The following CDKL4 variants were observed in gnomAD, a reference collection of about 807,000 sequenced individuals.
The protein encoded by CDKL4 is cyclin-dependent kinase-like 4.
In CDKL4, 44 loss-of-function variants were observed where a neutral mutation model predicts 42.0. That is an observed-to-expected ratio of 1.05 (90% confidence interval 0.82 to 1.35). CDKL4 has a LOEUF of 1.35. Among genes scored for constraint, CDKL4 ranks in the 40% most tolerant of loss-of-function variants. The pLI is 0.00. For synonymous variants in CDKL4, 120 were observed against 121.6 expected, an observed-to-expected ratio of 0.99 and a Z score of 0.09; for missense variants, 393 against 369.9, an observed-to-expected ratio of 1.06 and a Z score of -0.51.
intron 5 of CDKL4, among the ~76,000 whole-genome samples, chr2:39,204,184 C>A (rs1473175654): frequency 1.3e-5 from 2 of 152,168 alleles, no homozygotes; most frequent in African/African-American, 2.4e-5. Flanking sequence ...CTCCAGGGAA[C>A]CGTCTGCACC....
chr2:39,193,967 C>T (rs1421712880), intron 5 of CDKL4, among the ~76,000 whole-genome samples: 1 of 152,094 alleles, frequency 6.6e-6, no homozygotes, highest in Non-Finnish European at 1.5e-5. Flanking sequence ...GACTGGGTTC[C>T]TCTTAATTTT....
chr2:39,174,391 C>A (rs1186951801), downstream of CDKL4, among the ~76,000 whole-genome samples: 27 of 115,154 alleles, frequency 2.3e-4, no homozygotes, highest in African/African-American at 6.5e-4. Context: ...CAGAGCAAGA[C>A]CCTGTCTCAA....
intron 4 of CDKL4, among the ~76,000 whole-genome samples, chr2:39,209,198 G>T (rs1459665821): frequency 6.6e-6 from 1 of 151,292 alleles, no homozygotes; most frequent in Non-Finnish European, 1.5e-5. Flanking sequence ...CATAGTCCCA[G>T]TTCCTTGGGA....
chr2:39,175,802 A>G (rs1675139603), exon 10 of CDKL4: 8 of 295,818 alleles, frequency 2.7e-5, no homozygotes, highest in South Asian at 2.4e-4. Context: ...TAACATTTAA[A>G]GAAAATATTC....
intron 8 of CDKL4, among the ~76,000 whole-genome samples, chr2:39,181,287 C>G (rs1346776464): frequency 6.6e-6 from 1 of 152,216 alleles, no homozygotes; most frequent in Middle Eastern, 3.2e-3. Context: ...ATCTTCTTCT[C>G]TACTATGTTC....
At chr2:39,234,470 G>A (rs567216624) in intron 1 of CDKL4, among the ~76,000 whole-genome samples, 3 of 152,238 alleles carry the variant, frequency 2.0e-5, no homozygotes, top group African/African-American at 7.2e-5. Flanking sequence ...TTGAAATGGA[G>A]ACAGGAAAAG....
chr2:39,218,772 G>T (rs1678111589), intron 3 of CDKL4, among the ~76,000 whole-genome samples: 1 of 152,140 alleles, frequency 6.6e-6, no homozygotes, highest in South Asian at 2.1e-4. Flanking sequence ...GAAACTCTCT[G>T]TCCTCTGGGG....
intron 5 of CDKL4, among the ~76,000 whole-genome samples, chr2:39,195,646 T>A (rs1282724735): frequency 8.1e-5 from 12 of 148,892 alleles, no homozygotes; most frequent in Admixed American, 8.0e-4. Flanking sequence ...AATTAATTTT[T>A]TTTTTTTTTT....
At chr2:39,238,292 G>C (rs6544211) in intron 1 of CDKL4, among the ~76,000 whole-genome samples, 1 of 151,944 alleles carries the variant, frequency 6.6e-6, no homozygotes, top group East Asian at 1.9e-4. Flanking sequence ...ATTAGCCAGG[G>C]TCTAGTGGCC....
chr2:39,225,552 C>G (rs1211950104), intron 3 of CDKL4, among the ~76,000 whole-genome samples: 3 of 151,946 alleles, frequency 2.0e-5, no homozygotes, highest in African/African-American at 7.3e-5. Context: ...AATAGGTTTC[C>G]TAGTATCAAA....
At chr2:39,201,005 G>C (rs937515838) in intron 5 of CDKL4, among the ~76,000 whole-genome samples, 1 of 152,088 alleles carries the variant, frequency 6.6e-6, no homozygotes, top group Non-Finnish European at 1.5e-5. Context: ...CACAGCAAAA[G>C]AAATAATCAG....
At chr2:39,207,803 A>G (rs963498205) in intron 4 of CDKL4, among the ~76,000 whole-genome samples, 33 of 152,212 alleles carry the variant, frequency 2.2e-4, no homozygotes, top group African/African-American at 7.5e-4. Context: ...AAAAGGGAGT[A>G]AAAACAATTG....
chr2:39,170,932 C>G (rs1036586493), downstream of CDKL4, among the ~76,000 whole-genome samples: 1 of 151,958 alleles, frequency 6.6e-6, no homozygotes, highest in East Asian at 1.9e-4. Flanking sequence ...AATTTTATGG[C>G]AAGTAAGCTA....
intron 6 of CDKL4, among the ~76,000 whole-genome samples, chr2:39,189,326 T>C (rs1425120171): frequency 1.3e-5 from 2 of 152,220 alleles, no homozygotes; most frequent in African/African-American, 4.8e-5. Flanking sequence ...CCTTGCAGTC[T>C]CATTCCTATT....
chr2:39,229,317 A>C, intron 2 of CDKL4, 48 bp downstream of exon 2: 29 of 1,277,026 alleles, frequency 2.3e-5, no homozygotes, highest in Non-Finnish European at 2.7e-5. Flanking sequence ...TAACATGCAT[A>C]TTTCACTCAA....
At chr2:39,170,378 T>C in the CDKL4 span, among the ~76,000 whole-genome samples, 1 of 151,562 alleles carries the variant, frequency 6.6e-6, no homozygotes, top group African/African-American at 2.4e-5. Context: ...TGAGTGGCAT[T>C]TTATCTTTAT....
Position 39,210,103 on chromosome 2 carries a change from T to A in CDKL4, c.363+3297A>T, listed in dbSNP as rs146569672. 6.6e-3 allele frequency among the ~76,000 whole-genome samples: 1,003 copies of A among 152,234 alleles called. 11 individuals are homozygous for A. The highest frequency in any genetic ancestry group is 0.023 in the African/African-American group (963 of 41,528). ...CTCGAGTTCAAGTGATTCTCCCACC[T>A]CAGCCTGCTGAGTAGTAGCTGGGAT... On this transcript the variant is annotated intron_variant, in intron 4 of 9. Coordinates refer to ENST00000451199, the Ensembl canonical transcript of CDKL4.
intron 3 of CDKL4, among the ~76,000 whole-genome samples, chr2:39,214,150 C>A (rs139769295): frequency 6.6e-6 from 1 of 151,998 alleles, no homozygotes; most frequent in African/African-American, 2.4e-5. Context: ...CTTGAACTCT[C>A]GACCTCAGAT....
chr2:39,171,486 G>C (rs1674999111), downstream of CDKL4, among the ~76,000 whole-genome samples: 1 of 152,148 alleles, frequency 6.6e-6, no homozygotes, highest in African/African-American at 2.4e-5. Flanking sequence ...TTCAAAAAGT[G>C]ATCTCCTAAA....
Sources: gnomAD v4.1 joint callset for allele counts (sites outside exome capture counted in the v4.1 genomes callset) on GRCh38, gnomAD v4.1.1 for gene constraint, MANE v1.5 for transcripts, NCBI Gene and HGNC (gene_info 2026-07-23, HGNC 2026-07-21) for gene names.